LHFPL3: variants seen among roughly 807,000 people sequenced by gnomAD.
LHFPL3 encodes the protein LHFPL tetraspan subfamily member 3 protein.
A neutral mutation model predicts 19.3 loss-of-function variants in LHFPL3; 5 were observed. The ratio of observed to expected loss-of-function variants is 0.26; its 90% CI spans 0.14 to 0.54. LHFPL3 has a LOEUF of 0.54. LHFPL3 is among the 20% of genes least tolerant of loss of function. LHFPL3 has a pLI of 0.94. For missense variants in LHFPL3, 249 were observed against 307.4 expected (o/e 0.81, Z 1.42); for synonymous variants, 133 against 126.2 (o/e 1.05, Z -0.36).
chr7:104,748,653 C>T (rs1794096300), intron 2 of LHFPL3, among the ~76,000 whole-genome samples: 2 of 151,692 alleles, frequency 1.3e-5, no homozygotes, highest in Admixed American at 1.3e-4. Flanking sequence ...TGACCCTCTC[C>T]CCACAATTGT....
At chr7:104,560,749 T>C (rs1388430457) in intron 1 of LHFPL3, among the ~76,000 whole-genome samples, 2 of 145,996 alleles carry the variant, frequency 1.4e-5, no homozygotes, top group African/African-American at 2.6e-5. Flanking sequence ...GCTCTTGCTT[T>C]TCTAGTTCTT....
chr7:104,430,419 C>CATATATATAT (rs1457442187), intron 1 of LHFPL3, among the ~76,000 whole-genome samples: 27 of 14,656 alleles, frequency 1.8e-3, no homozygotes, highest in East Asian at 4.6e-3. Flanking sequence ...TATATATATA[C>CATATATATAT]ATATATATAT....
chr7:104,857,213 C>T (rs375808437), intron 2 of LHFPL3, among the ~76,000 whole-genome samples: 6 of 151,920 alleles, frequency 3.9e-5, no homozygotes, highest in East Asian at 1.9e-4. Context: ...GCCTCTGGAA[C>T]GAAGGCTTTT....
intron 1 of LHFPL3, among the ~76,000 whole-genome samples, chr7:104,591,156 G>T (rs1369244574): frequency 6.6e-6 from 1 of 152,096 alleles, no homozygotes; most frequent in Non-Finnish European, 1.5e-5. Flanking sequence ...TCCTGTCATT[G>T]TGACGTTAGC....
intron 2 of LHFPL3, among the ~76,000 whole-genome samples, chr7:104,834,938 C>A (rs575179518): frequency 1.8e-4 from 27 of 152,010 alleles, no homozygotes; most frequent in Middle Eastern, 6.8e-3. Context: ...TCATTATCAG[C>A]CTGATTTATA....
chr7:104,683,495 G>A (rs1467096778), intron 1 of LHFPL3, among the ~76,000 whole-genome samples: 1 of 152,170 alleles, frequency 6.6e-6, no homozygotes, highest in African/African-American at 2.4e-5. Flanking sequence ...ATGTAGTGAT[G>A]AACATTCTTC....
At chr7:104,385,127 C>T (rs1322206386) in intron 1 of LHFPL3, among the ~76,000 whole-genome samples, 1 of 152,090 alleles carries the variant, frequency 6.6e-6, no homozygotes, top group Non-Finnish European at 1.5e-5. Context: ...TTCATTATAT[C>T]TAGGGTCCTA....
chr7:104,689,561 G>T (rs1444840758), intron 1 of LHFPL3, among the ~76,000 whole-genome samples: 1 of 152,104 alleles, frequency 6.6e-6, no homozygotes, highest in East Asian at 1.9e-4. Flanking sequence ...GGGACACTGG[G>T]TCCCCTTAAG....
At chr7:104,905,096 C>A (rs1792571110) in intron 2 of LHFPL3, among the ~76,000 whole-genome samples, 1 of 152,116 alleles carries the variant, frequency 6.6e-6, no homozygotes, top group African/African-American at 2.4e-5. Context: ...GCTGGGACTA[C>A]AGGCGCACCA....
At chr7:104,682,826 A>G (rs1449106762) in intron 1 of LHFPL3, among the ~76,000 whole-genome samples, 2 of 152,068 alleles carry the variant, frequency 1.3e-5, no homozygotes, top group Non-Finnish European at 2.9e-5. Flanking sequence ...ATTCAGGGGG[A>G]ATCATTTTCT....
At chr7:104,609,016 C>G (rs376417576) in intron 1 of LHFPL3, among the ~76,000 whole-genome samples, 2 of 152,282 alleles carry the variant, frequency 1.3e-5, no homozygotes, top group East Asian at 3.9e-4. Context: ...CCTGTAATCC[C>G]AGCACTTTGG....
intron 2 of LHFPL3, among the ~76,000 whole-genome samples, chr7:104,832,116 C>T (rs752071752): frequency 2.0e-5 from 3 of 152,002 alleles, no homozygotes; most frequent in Non-Finnish European, 2.9e-5. Flanking sequence ...CAGAAGTCAG[C>T]ATTAGCCTTT....
chr7:104,385,848 T>C (rs1419557771), intron 1 of LHFPL3, among the ~76,000 whole-genome samples: 2 of 152,142 alleles, frequency 1.3e-5, no homozygotes, highest in Admixed American at 1.3e-4. Flanking sequence ...TAAATACTTA[T>C]TTTTAAAGGT....
At chr7:104,442,646 A>C (rs979504260) in intron 1 of LHFPL3, among the ~76,000 whole-genome samples, 18 of 152,210 alleles carry the variant, frequency 1.2e-4, no homozygotes, top group African/African-American at 4.3e-4. Context: ...CTTCAGCCAG[A>C]TGGTTCTGCA....
chr7:104,463,722 A>G (rs1324091676), intron 1 of LHFPL3, among the ~76,000 whole-genome samples: 2 of 152,226 alleles, frequency 1.3e-5, no homozygotes, highest in Non-Finnish European at 2.9e-5. Context: ...ACTCACTATC[A>G]TGAGAACAGC....
intron 2 of LHFPL3, among the ~76,000 whole-genome samples, chr7:104,847,928 T>C (rs1301994967): frequency 6.6e-6 from 1 of 152,232 alleles, no homozygotes; most frequent in African/African-American, 2.4e-5. Context: ...ATAACACATC[T>C]AGTCTGCAGC....
rs1033003216 is a variant in LHFPL3, at chr7:104,350,857, T to G, written c.445+21633T>G. 2.0e-5 allele frequency among the ~76,000 whole-genome samples: 3 copies of G among 152,054 alleles called. No homozygotes were observed. The East Asian group carries it at 5.8e-4, about 29-fold the overall frequency. ...GAATTCGAGACCAGCCTGGCCAACA[T>G]GGTGAAACCCCGTCTATACTAAAAA... On this transcript the variant is annotated intron_variant, in intron 1 of 2. Transcript: ENST00000424859.
intron 1 of LHFPL3, among the ~76,000 whole-genome samples, chr7:104,410,432 C>G (rs1791515107): frequency 6.6e-6 from 1 of 152,218 alleles, no homozygotes; most frequent in South Asian, 2.1e-4. Context: ...TGCACCCGGC[C>G]TGTATGTCTG....
intron 1 of LHFPL3, among the ~76,000 whole-genome samples, chr7:104,340,814 T>G (rs181353726): frequency 1.4e-3 from 218 of 152,332 alleles, no homozygotes; most frequent in African/African-American, 4.9e-3. Context: ...TCTTCCATTT[T>G]ATTTGCCTGG....
Sources: allele counts gnomAD v4.1 joint callset (sites outside exome capture counted in the v4.1 genomes callset), GRCh38; gene constraint gnomAD v4.1.1; transcripts MANE v1.5; gene names NCBI Gene and HGNC (gene_info 2026-07-23, HGNC 2026-07-21).